Variants in CCNJ observed in about 807,000 individuals in gnomAD.
CCNJ encodes cyclin J.
CCNJ carries 12 observed loss-of-function variants against 41.4 expected under a neutral mutation model. The ratio of observed to expected loss-of-function variants is 0.29; its 90% CI spans 0.19 to 0.47. CCNJ has a LOEUF of 0.47. Among genes scored for constraint, CCNJ ranks in the 20% least tolerant of loss-of-function variants. CCNJ has a pLI of 1.00. For missense variants in CCNJ, 340 were observed against 464.6 expected, an observed-to-expected ratio of 0.73 and a Z score of 2.47; for synonymous variants, 161 against 173.4, an observed-to-expected ratio of 0.93 and a Z score of 0.56.
chr10:96,054,460 C>A (rs2080622346), intron 3 of CCNJ, among the ~76,000 whole-genome samples: 1 of 151,968 alleles, frequency 6.6e-6, no homozygotes, highest in South Asian at 2.1e-4. Context: ...AAATTTGAAC[C>A]CTGAATTAAA....
Position 96,058,708 on chromosome 10 carries a change from A to C in CCNJ, c.*467A>C. On this transcript the variant is annotated 3_prime_UTR_variant, in exon 6 of 6. Coordinates refer to ENST00000465148, the MANE Select transcript of CCNJ (RefSeq NM_001134375.2). The stretch of plus-strand genomic sequence containing the variant: ...GGTTTTTTTTATTCTGCAATTTTTT[A>C]TTTTTGTTCTACACATGAATTTTTG... The C allele has an allele frequency of 2.6e-6, 1 of 391,728 alleles. No individual in the cohort carries two copies. The highest frequency in any genetic ancestry group is 4.5e-6 in the Non-Finnish European group (1 of 222,222). 24.3% of individuals were successfully genotyped at this position (391,728 alleles called of 1,614,324 possible).
chr10:96,056,678 C>G (rs1263150512), intron 3 of CCNJ, 23 bp from the exon 4 acceptor site: 1 of 1,548,910 alleles, frequency 6.5e-7, no homozygotes, highest in East Asian at 2.2e-5. Flanking sequence ...TTTCTCTCCC[C>G]TCCCATCCCC....
rs1564698898 is a variant in CCNJ at position 96,043,586 on chromosome 10, A to G, written c.-175A>G. 2.5e-6 allele frequency: 1 copy of G among 395,072 alleles called. No homozygotes were observed. The allele number at this position is 395,072 out of a possible 1,614,324, so 24.5% of individuals were successfully genotyped here. On this transcript the variant is annotated 5_prime_UTR_variant, in exon 1 of 6. Transcript: ENST00000465148. Reference sequence around the variant, plus strand: ...CGGAGCCGCCTGCCGGTCCTTTAACAATGGGCGGCGCGAGCGTCCAGGCGC... The same window carrying G: ...CGGAGCCGCCTGCCGGTCCTTTAACGATGGGCGGCGCGAGCGTCCAGGCGC...
chr10:96,052,325 C>T (rs1321217080), intron 3 of CCNJ, among the ~76,000 whole-genome samples: 24 of 152,128 alleles, frequency 1.6e-4, no homozygotes, highest in Admixed American at 1.6e-3. Context: ...TGTTATTGTA[C>T]AGAATGTTTA....
chr10:96,044,339 G>A lies in CCNJ; in HGVS notation c.-41-14G>A. On this transcript the variant is annotated splice_polypyrimidine_tract_variant and intron_variant, in intron 1 of 5. Coordinates refer to ENST00000465148, the MANE Select transcript of CCNJ (RefSeq NM_001134375.2). Reference sequence around the variant, plus strand: ...GGGAGCCGGCAGTGACCGCGCCTGGGGTGTGTCTTACAGACTCGAGTTGCC... The same window carrying A: ...GGGAGCCGGCAGTGACCGCGCCTGGAGTGTGTCTTACAGACTCGAGTTGCC... 2.9e-6 allele frequency: 4 copies of A among 1,398,336 alleles called. No homozygotes were observed. Among genetic ancestry groups the A allele is most frequent in the Non-Finnish European group, 3.8e-6 (4 of 1,048,276 alleles). 86.6% of individuals were successfully genotyped at this position (1,398,336 alleles called of 1,614,324 possible). A position where few individuals can be genotyped will look rare whatever the true frequency, so the allele number is the denominator to read the frequency against.
At position 96,044,887 on chromosome 10, in the gene CCNJ, G is replaced by A. The variant is rs531095450; in HGVS notation, c.69+425G>A. ...AACTTGCCGTGAGACGTGGACAAGT[G>A]AAATTTCTGTTTCTTGATTTCCTCA... On this transcript the variant is annotated intron_variant, in intron 2 of 5. Coordinates refer to ENST00000465148, the MANE Select transcript of CCNJ (RefSeq NM_001134375.2). Among the ~76,000 whole-genome samples, 5 of 152,312 alleles carry A rather than the reference G, an allele frequency of 3.3e-5. No individual in the cohort carries two copies. The South Asian group carries it at 1.0e-3, about 32-fold the overall frequency.
rs779529596 is a variant in CCNJ, at chr10:96,057,055, T to C, written c.581-33T>C. Reference sequence around the variant, plus strand: ...TTGTGCACTTGTGACTCGTGTATTCTGTTCCTTAAGTTCATTTTTGGTGTC... The same window carrying C: ...TTGTGCACTTGTGACTCGTGTATTCCGTTCCTTAAGTTCATTTTTGGTGTC... On this transcript the variant is annotated intron_variant, in intron 4 of 5. Coordinates refer to ENST00000465148, the MANE Select transcript of CCNJ (RefSeq NM_001134375.2). 1.1e-5 allele frequency: 18 copies of C among 1,613,638 alleles called. No individual in the cohort carries two copies. The Admixed American group carries it at 2.0e-4, about 18-fold the overall frequency.
At position 96,058,722 on chromosome 10, in the gene CCNJ, CAT is replaced by C. The variant is rs1218018318; in HGVS notation, c.*482_*483del. 5.2e-6 allele frequency: 2 copies of C among 383,700 alleles called. No homozygotes were observed. Among genetic ancestry groups the C allele is most frequent in the Non-Finnish European group, 9.2e-6 (2 of 217,340 alleles). 23.8% of individuals were successfully genotyped at this position (383,700 alleles called of 1,614,324 possible). ...TGCAATTTTTTATTTTTGTTCTACA[CAT>C]GAATTTTTGACTAAGTTTAAACTCA... On this transcript the variant is annotated 3_prime_UTR_variant, in exon 6 of 6. Transcript: ENST00000465148.
chr10:96,056,036 G>A (rs1041975074), intron 3 of CCNJ, among the ~76,000 whole-genome samples: 12 of 152,190 alleles, frequency 7.9e-5, no homozygotes, highest in South Asian at 2.1e-4. Flanking sequence ...TTGGCCGGGC[G>A]CAGTGGCTCA....
rs1211817666 is a variant in CCNJ, at chr10:96,056,729, G to A, written c.309G>A (p.Val103=). 1 of 1,608,080 alleles carries A rather than the reference G, an allele frequency of 6.2e-7. No homozygotes were observed. The highest frequency in any genetic ancestry group is 1.7e-5 in the Admixed American group (1 of 58,892). The change falls in exon 4 of 6, where the codon GTG becomes GTA. Residue 103 remains valine (V), a synonymous_variant. Coordinates refer to ENST00000465148, the MANE Select transcript of CCNJ (RefSeq NM_001134375.2). ...AATTTGAAGAAAAAGAAGACAGTGT[G>A]CCTAAGCTGGAGCAGCTCAACAGCC... is the stretch of plus-strand genomic sequence containing the variant. ...ASKFEEKEDS[V]PKLEQLNSLG...
intron 2 of CCNJ, among the ~76,000 whole-genome samples, chr10:96,049,623 TTCTC>T (rs1407385540): frequency 6.6e-6 from 1 of 152,004 alleles, no homozygotes. Context: ...CTTTCCATCT[TTCTC>T]TATGCTCTGG....
At position 96,059,868 on chromosome 10, in the gene CCNJ, T is replaced by C. The variant is rs550860749; in HGVS notation, c.*1627T>C. Reference sequence around the variant, plus strand: ...GCTCCCGGGGATGAATGTGGGTGGGTAGCTTCTGTCAGTATCAATGCTTAG... The same window carrying C: ...GCTCCCGGGGATGAATGTGGGTGGGCAGCTTCTGTCAGTATCAATGCTTAG... On this transcript the variant is annotated 3_prime_UTR_variant, in exon 6 of 6. Transcript: ENST00000465148. 1 of 152,756 alleles carries C rather than the reference T, an allele frequency of 6.5e-6. No homozygotes were observed. The highest frequency in any genetic ancestry group is 2.4e-5 in the African/African-American group (1 of 41,564). The allele number at this position is 152,756 out of a possible 1,614,324, so 9.5% of individuals were successfully genotyped here.
Position 96,045,137 on chromosome 10 carries a change from A to G in CCNJ, c.69+675A>G, listed in dbSNP as rs529183467. On this transcript the variant is annotated intron_variant, in intron 2 of 5. Coordinates refer to ENST00000465148, the MANE Select transcript of CCNJ (RefSeq NM_001134375.2). ...CAAAGGCAGAAAGTAGACTTAATAG[A>G]TATTGGAAAAAAATACTTTTCCAAC... 6.6e-5 allele frequency among the ~76,000 whole-genome samples: 10 copies of G among 152,350 alleles called. No individual in the cohort carries two copies. In the East Asian group the frequency reaches 1.7e-3, roughly 26 times the overall value.
intron 3 of CCNJ, among the ~76,000 whole-genome samples, chr10:96,051,329 G>T (rs1047686608): frequency 1.3e-5 from 2 of 150,604 alleles, no homozygotes; most frequent in African/African-American, 2.4e-5. Context: ...TTGAAATTGT[G>T]TTTTTTTTTC....
At chr10:96,057,427 T>A (rs1443745847) in intron 5 of CCNJ, among the ~76,000 whole-genome samples, 180 bp downstream of exon 5, 3 of 152,220 alleles carry the variant, frequency 2.0e-5, no homozygotes, top group African/African-American at 7.2e-5. Flanking sequence ...GTGTCATTGT[T>A]AGAATAATTC....
chr10:96,044,761 T>C (rs1052261299), intron 2 of CCNJ, among the ~76,000 whole-genome samples: 2 of 152,192 alleles, frequency 1.3e-5, no homozygotes, highest in East Asian at 3.8e-4. Context: ...ATATATACAC[T>C]GAATTTTTGT....
chr10:96,051,030 TGTCTTAAAA>T (rs1344608574), intron 3 of CCNJ, among the ~76,000 whole-genome samples: 1 of 152,362 alleles, frequency 6.6e-6, no homozygotes, highest in East Asian at 1.9e-4. Flanking sequence ...GTTGAGAAAC[TGTCTTAAAA>T]GTACCATATT....
chr10:96,058,559 T>C lies in CCNJ; in HGVS notation c.*318T>C, dbSNP rs1021313451. On this transcript the variant is annotated 3_prime_UTR_variant, in exon 6 of 6. Coordinates refer to ENST00000465148, the MANE Select transcript of CCNJ (RefSeq NM_001134375.2). The stretch of plus-strand genomic sequence containing the variant: ...CAGACTTCAATTTGCCATTTTGAGA[T>C]TTGACCTGTGGTAGCATCTGGGCCT... 1 of 455,596 alleles carries C rather than the reference T, an allele frequency of 2.2e-6. No homozygotes were observed. Among genetic ancestry groups the C allele is most frequent in the African/African-American group, 2.0e-5 (1 of 50,586 alleles). 28.2% of individuals were successfully genotyped at this position (455,596 alleles called of 1,614,324 possible).
intron 2 of CCNJ, 152 bp downstream of exon 2, chr10:96,044,614 T>G: frequency 1.9e-6 from 1 of 517,924 alleles, no homozygotes; most frequent in Non-Finnish European, 3.2e-6. Context: ...TTAATTAACT[T>G]CTTGGCTCCT....
Sources: allele counts gnomAD v4.1 joint callset (sites outside exome capture counted in the v4.1 genomes callset), GRCh38; gene constraint gnomAD v4.1.1; transcripts MANE v1.5; gene names NCBI Gene and HGNC (gene_info 2026-07-23, HGNC 2026-07-21).